The following POMP variants were observed in gnomAD, a reference collection of about 807,000 sequenced individuals.
POMP encodes 2510048O06Rik.
A neutral mutation model predicts 20.6 loss-of-function variants in POMP; 12 were observed. The ratio of observed to expected loss-of-function variants is 0.58; its 90% CI spans 0.37 to 0.94. The LOEUF (loss-of-function observed/expected upper bound fraction) is 0.94. POMP is among the 40% of genes least tolerant of loss of function. The pLI is 0.01. For synonymous variants in POMP, 53 were observed against 55.0 expected, an observed-to-expected ratio of 0.96 and a Z score of 0.16; for missense variants, 136 against 161.1, an observed-to-expected ratio of 0.84 and a Z score of 0.84.
Position 28,663,421 on chromosome 13 carries a change from C to T in POMP, c.101+914C>T, listed in dbSNP as rs545001292. On this transcript the variant is annotated intron_variant, in intron 2 of 5. Transcript: ENST00000380842. ...CGCCTCCCGGGTTCAAGTGATTCTC[C>T]TGCCTCAGCCTCTTGAGTAGCTGGG... is the stretch of plus-strand genomic sequence containing the variant. 3.9e-5 allele frequency among the ~76,000 whole-genome samples: 6 copies of T among 152,296 alleles called. No homozygotes were observed. In the South Asian group the frequency reaches 6.2e-4, roughly 16 times the overall value.
chr13:28,660,814 C>T (rs1381933399), intron 1 of POMP, among the ~76,000 whole-genome samples: 2 of 152,100 alleles, frequency 1.3e-5, no homozygotes, highest in African/African-American at 4.8e-5. Context: ...ATCGATGAAC[C>T]AACAAAGATT....
intron 5 of POMP, among the ~76,000 whole-genome samples, chr13:28,675,652 C>T (rs1884616162): frequency 6.6e-6 from 1 of 152,188 alleles, no homozygotes; most frequent in Non-Finnish European, 1.5e-5. Context: ...CCTCCGTTAA[C>T]TACTGTTAGT....
intron 3 of POMP, among the ~76,000 whole-genome samples, chr13:28,665,359 C>T (rs980221553): frequency 8.6e-5 from 13 of 151,886 alleles, no homozygotes; most frequent in African/African-American, 3.1e-4. Context: ...ATAGGTCTGC[C>T]TATAAGAAAG....
At chr13:28,673,952 G>A (rs1050399194) in intron 5 of POMP, among the ~76,000 whole-genome samples, 15 of 152,270 alleles carry the variant, frequency 9.9e-5, no homozygotes, top group Non-Finnish European at 1.5e-4. Context: ...ATAATTCTAG[G>A]AATAAAAAGG....
chr13:28,675,510 G>C (rs919351747), intron 5 of POMP, among the ~76,000 whole-genome samples: 9 of 152,044 alleles, frequency 5.9e-5, no homozygotes, highest in African/African-American at 2.2e-4. Context: ...TTTTTTTCTT[G>C]TGGGAACTGT....
chr13:28,665,026 G>A (rs1278004435), intron 3 of POMP, among the ~76,000 whole-genome samples: 1 of 152,168 alleles, frequency 6.6e-6, no homozygotes, highest in Non-Finnish European at 1.5e-5. Flanking sequence ...TAATGAGGAA[G>A]ACAAGCAGTG....
chr13:28,660,552 G>C (rs534619628), intron 1 of POMP, among the ~76,000 whole-genome samples: 5 of 152,286 alleles, frequency 3.3e-5, no homozygotes, highest in African/African-American at 1.2e-4. Flanking sequence ...GGATTTATTA[G>C]GAAGTAACCC....
chr13:28,673,605 C>G (rs1301638587), intron 5 of POMP, among the ~76,000 whole-genome samples: 2 of 152,162 alleles, frequency 1.3e-5, no homozygotes, highest in Non-Finnish European at 2.9e-5. Flanking sequence ...ATGCTGTGGA[C>G]ATAACAGAAG....
At position 28,664,552 on chromosome 13, in the gene POMP, G is replaced by A; in HGVS notation, c.145G>A (p.Glu49Lys). 1 of 1,559,016 alleles carries A rather than the reference G, an allele frequency of 6.4e-7. No individual in the cohort carries two copies. Among genetic ancestry groups the A allele is most frequent in the Non-Finnish European group, 8.8e-7 (1 of 1,133,756 alleles). The change falls in exon 3 of 6, where the codon GAA (glutamate) becomes AAA (lysine). Residue 49 changes from glutamate (E) to lysine (K), a missense_variant. Glu to Lys is a moderately conservative substitution (Grantham distance 56). Transcript: ENST00000380842. ...KNELLPSHPL[E>K]LSEKNFQLNQ... is the part of the protein sequence containing the mutation. ...TGAACTTTTGCCTAGTCATCCCCTT[G>A]AATTATCAGAAAAAAATGTAAGTAT... is the stretch of plus-strand genomic sequence containing the variant.
chr13:28,675,928 C>T (rs1471587539), intron 5 of POMP, among the ~76,000 whole-genome samples: 2 of 152,020 alleles, frequency 1.3e-5, no homozygotes, highest in African/African-American at 2.4e-5. Context: ...CTCACTTATC[C>T]GGGGGGTGGT....
At chr13:28,675,938 T>G (rs1884620556) in intron 5 of POMP, among the ~76,000 whole-genome samples, 1 of 152,076 alleles carries the variant, frequency 6.6e-6, no homozygotes, top group South Asian at 2.1e-4. Context: ...CGGGGGGTGG[T>G]GCTAGACCAT....
Position 28,662,424 on chromosome 13 carries a change from T to C in POMP, c.18T>C (p.Leu6=), listed in dbSNP as rs761935117. 6 of 1,613,382 alleles carry C rather than the reference T, an allele frequency of 3.7e-6. No homozygotes were observed. The African/African-American group carries it at 8.0e-5, about 22-fold the overall frequency. Residue 6 remains leucine (L), a synonymous_variant, in exon 2 of 6, where the codon CTT becomes CTC. Transcript: ENST00000380842. The part of the protein sequence containing the change: MNARG[L]GSELKDSIPV... ...TTGTGTTGTAGAATGCCAGAGGACT[T>C]GGATCTGAGCTAAAGGACAGTATTC...
chr13:28,675,562 A>G (rs988107569), intron 5 of POMP, among the ~76,000 whole-genome samples: 1 of 152,106 alleles, frequency 6.6e-6, no homozygotes, highest in African/African-American at 2.4e-5. Context: ...CACCTTAGGG[A>G]CCTGAATTAG....
chr13:28,672,204 C>T, intron 4 of POMP, 135 bp from the exon 5 acceptor site: 3 of 718,624 alleles, frequency 4.2e-6, no homozygotes, highest in Admixed American at 4.5e-5. Context: ...TGTTTTTTTC[C>T]ACTTGTTAAA....
intron 1 of POMP, among the ~76,000 whole-genome samples, chr13:28,661,467 A>G (rs1386299874): frequency 6.6e-6 from 1 of 151,306 alleles, no homozygotes; most frequent in Non-Finnish European, 1.5e-5. Flanking sequence ...CCCTATCTCA[A>G]AAAGTAAATA....
intron 2 of POMP, 128 bp downstream of exon 2, chr13:28,662,635 G>A (rs945860348): frequency 4.0e-6 from 3 of 755,880 alleles, no homozygotes; most frequent in Non-Finnish European, 6.9e-6. Context: ...CCTTACATGG[G>A]GTGCAGAGGG....
chr13:28,675,143 A>ACTTTTTTTTTTTTTTTTTTTTT (rs1555257279), intron 5 of POMP, among the ~76,000 whole-genome samples: 1 of 150,646 alleles, frequency 6.6e-6, no homozygotes, highest in African/African-American at 2.5e-5. Flanking sequence ...GTTTAGGTAG[A>ACTTTTTTTTTTTTTTTTTTTTT]TTTTTTTTGT....
Position 28,664,496 on chromosome 13 carries a change from A to G in POMP, c.102-13A>G. Reference sequence around the variant, plus strand: ...AATCTCCTCTAAATGTTTTTTTTTTAATGTCCTTTCAGTTTTTCTTGTGTG... The same window carrying G: ...AATCTCCTCTAAATGTTTTTTTTTTGATGTCCTTTCAGTTTTTCTTGTGTG... On this transcript the variant is annotated splice_polypyrimidine_tract_variant and intron_variant, in intron 2 of 5. Coordinates refer to ENST00000380842, the MANE Select transcript of POMP (RefSeq NM_015932.6). 6.5e-7 allele frequency: 1 copy of G among 1,529,970 alleles called. No individual in the cohort carries two copies. The highest frequency in any genetic ancestry group is 1.1e-5 in the South Asian group (1 of 87,224). 94.8% of individuals were successfully genotyped at this position (1,529,970 alleles called of 1,614,324 possible).
At chr13:28,665,273 A>G (rs1276929085) in intron 3 of POMP, among the ~76,000 whole-genome samples, 1 of 152,212 alleles carries the variant, frequency 6.6e-6, no homozygotes, top group East Asian at 1.9e-4. Context: ...GGGGAAGATG[A>G]TGCAGTTGTT....
Sources: allele counts gnomAD v4.1 joint callset (sites outside exome capture counted in the v4.1 genomes callset), GRCh38; gene constraint gnomAD v4.1.1; transcripts MANE v1.5; gene names NCBI Gene and HGNC (gene_info 2026-07-23, HGNC 2026-07-21).